The following TBC1D5 variants were observed in gnomAD, a reference collection of about 807,000 sequenced individuals.
TBC1D5 encodes the protein TBC1 domain family member 5.
TBC1D5 carries 75 observed loss-of-function variants against 100.3 expected under a neutral mutation model. That is an observed-to-expected ratio of 0.75 (90% confidence interval 0.62 to 0.91). The LOEUF is 0.91. TBC1D5 is among the 40% of genes least tolerant of loss of function. The pLI, the probability that TBC1D5 is intolerant of heterozygous loss-of-function variation, is 0.00. For missense variants in TBC1D5, 910 were observed against 942.4 expected, an observed-to-expected ratio of 0.97 and a Z score of 0.45; for synonymous variants, 323 against 325.6, an observed-to-expected ratio of 0.99 and a Z score of 0.09.
At chr3:17,476,314 T>C (rs1432366212) in intron 3 of TBC1D5, among the ~76,000 whole-genome samples, 1 of 152,014 alleles carries the variant, frequency 6.6e-6, no homozygotes, top group African/African-American at 2.4e-5. Flanking sequence ...TTGGTATTGT[T>C]AGTAAGATGT....
Position 17,634,646 on chromosome 3 carries a change from G to C in TBC1D5, c.-100-10733C>G, listed in dbSNP as rs577107539. ...TAGGGTAAAAAAAAAAAAAAAAAAA[G>C]TGAATAAGACTAAGTATTTGATAGC... On this transcript the variant is annotated intron_variant, in intron 1 of 21. Transcript: ENST00000253692. Among the ~76,000 whole-genome samples, 328 of 142,638 alleles carry C rather than the reference G, an allele frequency of 2.3e-3. 1 individual carries two copies. Among genetic ancestry groups the C allele is most frequent in the Non-Finnish European group, 3.3e-3 (217 of 64,864 alleles). The allele number at this position is 142,638 out of a possible 152,430, so 93.6% of individuals were successfully genotyped here.
At chr3:17,502,587 T>C (rs2095799299) in intron 3 of TBC1D5, among the ~76,000 whole-genome samples, 1 of 149,558 alleles carries the variant, frequency 6.7e-6, no homozygotes, top group African/African-American at 2.5e-5. Flanking sequence ...ATACTTAAGC[T>C]GACAAATCTT....
At chr3:17,201,837 C>T (rs542843959) in intron 18 of TBC1D5, among the ~76,000 whole-genome samples, 2 of 152,212 alleles carry the variant, frequency 1.3e-5, no homozygotes, top group African/African-American at 4.8e-5. Flanking sequence ...AACTTTGAGC[C>T]AATTAAATCT....
intron 14 of TBC1D5, 108 bp downstream of exon 14, chr3:17,307,884 G>A: frequency 7.1e-7 from 1 of 1,398,874 alleles, no homozygotes; most frequent in East Asian, 2.6e-5. Flanking sequence ...TACAAAAATT[G>A]AGGTACATGC....
intron 3 of TBC1D5, among the ~76,000 whole-genome samples, chr3:17,471,707 C>T (rs1354983493): frequency 1.4e-5 from 2 of 146,530 alleles, no homozygotes; most frequent in East Asian, 3.9e-4. Context: ...TCAAAATAAG[C>T]AAGTTGATAT....
At chr3:17,680,769 T>C (rs2069339273) in intron 1 of TBC1D5, among the ~76,000 whole-genome samples, 1 of 151,452 alleles carries the variant, frequency 6.6e-6, no homozygotes, top group Non-Finnish European at 1.5e-5. Flanking sequence ...TAAAGGCTCC[T>C]ATATATCACT....
rs115643831 is a variant in TBC1D5, at chr3:17,723,051, C to T, written c.-101+16292G>A. ...TTGGGGTGAAATTGGTCATTCAGTA[C>T]AAAAAATAGTTCTAAAGAATGAATA... On this transcript the variant is annotated intron_variant, in intron 1 of 21. Coordinates refer to ENST00000253692, the Ensembl canonical transcript of TBC1D5. 8.0e-3 allele frequency among the ~76,000 whole-genome samples: 1,208 copies of T among 151,902 alleles called. 9 individuals are homozygous for T. Among genetic ancestry groups the T allele is most frequent in the Non-Finnish European group, 0.012 (817 of 67,936 alleles).
At chr3:17,318,078 G>A (rs1219523986) in intron 13 of TBC1D5, among the ~76,000 whole-genome samples, 4 of 151,944 alleles carry the variant, frequency 2.6e-5, no homozygotes, top group Non-Finnish European at 2.9e-5. Flanking sequence ...TCCTTCGTAG[G>A]GACAGGGATG....
intron 19 of TBC1D5, among the ~76,000 whole-genome samples, chr3:17,173,998 C>A (rs546747630): frequency 6.6e-6 from 1 of 152,306 alleles, no homozygotes; most frequent in African/African-American, 2.4e-5. Context: ...ATTCATCATG[C>A]AACCTCCAGT....
intron 16 of TBC1D5, among the ~76,000 whole-genome samples, chr3:17,250,162 A>G (rs1306050756): frequency 6.6e-6 from 1 of 152,132 alleles, no homozygotes; most frequent in African/African-American, 2.4e-5. Flanking sequence ...CTTGACTCCT[A>G]TTTTTCTCTT....
At chr3:17,652,642 G>A (rs2065687828) in intron 1 of TBC1D5, among the ~76,000 whole-genome samples, 3 of 152,130 alleles carry the variant, frequency 2.0e-5, no homozygotes, top group Admixed American at 2.0e-4. Context: ...GAAAAAAGTA[G>A]TTTAATTAGA....
At chr3:17,545,014 T>A (rs73160940) in intron 2 of TBC1D5, among the ~76,000 whole-genome samples, 1 of 152,112 alleles carries the variant, frequency 6.6e-6, no homozygotes, top group African/African-American at 2.4e-5. Flanking sequence ...TCTTGGCCTA[T>A]AAATAACATC....
At chr3:17,578,018 T>C (rs2096668363) in intron 2 of TBC1D5, among the ~76,000 whole-genome samples, 1 of 152,006 alleles carries the variant, frequency 6.6e-6, no homozygotes, top group African/African-American at 2.4e-5. Context: ...GCACCAGATG[T>C]GCACAATAAA....
intron 19 of TBC1D5, among the ~76,000 whole-genome samples, chr3:17,170,905 C>G (rs1316622792): frequency 2.6e-5 from 4 of 152,176 alleles, no homozygotes; most frequent in African/African-American, 7.2e-5. Flanking sequence ...TTGCCTTTAA[C>G]TGGCAAGTTC....
intron 2 of TBC1D5, among the ~76,000 whole-genome samples, chr3:17,553,422 A>G (rs959399167): frequency 6.6e-6 from 1 of 152,188 alleles, no homozygotes; most frequent in South Asian, 2.1e-4. Flanking sequence ...AAATGGTACA[A>G]CACCAAGGGA....
At chr3:17,330,902 G>A (rs534245940) in intron 13 of TBC1D5, among the ~76,000 whole-genome samples, 1 of 152,214 alleles carries the variant, frequency 6.6e-6, no homozygotes, top group East Asian at 1.9e-4. Context: ...TGTCTCCTCA[G>A]TCTCAACTGA....
intron 8 of TBC1D5, among the ~76,000 whole-genome samples, chr3:17,401,372 T>G (rs1049968426): frequency 1.9e-5 from 2 of 108,034 alleles, no homozygotes; most frequent in African/African-American, 9.5e-5. Flanking sequence ...GTGTATAATA[T>G]ACATATGTAT....
chr3:17,158,327 G>GGCCGGGCGCGGTGGCTCACGCCTGTA (rs2065760738), exon 22 of TBC1D5: 1 of 152,126 alleles, frequency 6.6e-6, no homozygotes, highest in African/African-American at 2.4e-5. Flanking sequence ...GGGTTCCACT[G>GGCCGGGCGCGGTGGCTCACGCCTGTA]ATTACATTTG....
intron 13 of TBC1D5, among the ~76,000 whole-genome samples, chr3:17,323,270 C>T (rs1159763398): frequency 1.3e-5 from 2 of 152,146 alleles, no homozygotes; most frequent in Non-Finnish European, 2.9e-5. Context: ...ATCGTGAGGC[C>T]AGCATTACTG....
Sources: gnomAD v4.1 joint callset for allele counts (sites outside exome capture counted in the v4.1 genomes callset) on GRCh38, gnomAD v4.1.1 for gene constraint, MANE v1.5 for transcripts, NCBI Gene and HGNC (gene_info 2026-07-23, HGNC 2026-07-21) for gene names.